The following LRMDA variants were observed in gnomAD, a reference collection of about 807,000 sequenced individuals.
LRMDA encodes the protein leucine-rich melanocyte differentiation-associated protein.
A neutral mutation model predicts 29.8 loss-of-function variants in LRMDA; 18 were observed. That is an observed-to-expected ratio of 0.60 (90% CI 0.42 to 0.90). The LOEUF (loss-of-function observed/expected upper bound fraction) is 0.90. Among genes scored for constraint, LRMDA ranks in the 40% least tolerant of loss-of-function variants. LRMDA has a pLI of 0.00. For synonymous variants in LRMDA, 125 were observed against 109.4 expected (o/e 1.14, Z -0.89); for missense variants, 273 against 273.9 (o/e 1.00, Z 0.02).
intron 2 of LRMDA, among the ~76,000 whole-genome samples, chr10:75,580,652 C>T (rs7896725): frequency 0.61 from 93,051 of 151,996 alleles, 31,480 homozygotes; most frequent in East Asian, 0.85. Context: ...GGCATCATGC[C>T]ACCTGACTTC....
chr10:76,437,065 T>C (rs1842252103), intron 6 of LRMDA, among the ~76,000 whole-genome samples: 1 of 152,144 alleles, frequency 6.6e-6, no homozygotes, highest in Non-Finnish European at 1.5e-5. Context: ...CAGTGGTCTT[T>C]TAATCATAGC....
intron 6 of LRMDA, among the ~76,000 whole-genome samples, chr10:76,545,181 G>GT (rs11291434): frequency 5.1e-4 from 72 of 140,514 alleles, no homozygotes; most frequent in East Asian, 1.9e-3. Context: ...TTTTTATTTT[G>GT]TTTTTTTTTT....
chr10:75,619,168 T>C (rs1260627877), intron 2 of LRMDA, among the ~76,000 whole-genome samples: 1 of 151,870 alleles, frequency 6.6e-6, no homozygotes, highest in South Asian at 2.1e-4. Context: ...TCACATTGAG[T>C]AGGCTGAGGA....
intron 6 of LRMDA, among the ~76,000 whole-genome samples, chr10:76,469,588 C>G (rs1458662044): frequency 1.3e-5 from 2 of 152,004 alleles, no homozygotes; most frequent in Non-Finnish European, 2.9e-5. Context: ...AGCTCTGAAG[C>G]TCTGAAGCTC....
chr10:75,891,625 G>A (rs1461381565), intron 2 of LRMDA, among the ~76,000 whole-genome samples: 1 of 152,186 alleles, frequency 6.6e-6, no homozygotes, highest in African/African-American at 2.4e-5. Context: ...GGAAGCCATT[G>A]AAAGGCTTTG....
rs777591359 is a variant in LRMDA at position 76,112,116 on chromosome 10, T to A, written c.516+53333T>A. Among the ~76,000 whole-genome samples, 20 of 152,154 alleles carry A rather than the reference T, an allele frequency of 1.3e-4. 1 individual carries two copies. The highest frequency in any genetic ancestry group is 4.3e-4 in the African/African-American group (18 of 41,452). The stretch of plus-strand genomic sequence containing the variant: ...GCCGAGGGAGTTAATGAAAGCTGCA[T>A]GAGCGAGCAAGGGAGCAGGAGGAGG... On this transcript the variant is annotated intron_variant, in intron 5 of 6. Coordinates refer to ENST00000611255, the MANE Select transcript of LRMDA (RefSeq NM_001305581.2).
At chr10:75,775,122 G>A (rs1448785119) in intron 2 of LRMDA, among the ~76,000 whole-genome samples, 1 of 152,238 alleles carries the variant, frequency 6.6e-6, no homozygotes, top group Non-Finnish European at 1.5e-5. Flanking sequence ...CCTGAGAGGG[G>A]CCTATCAAGA....
intron 2 of LRMDA, among the ~76,000 whole-genome samples, chr10:75,834,013 G>C (rs1844391507): frequency 6.6e-6 from 1 of 152,084 alleles, no homozygotes; most frequent in African/African-American, 2.4e-5. Flanking sequence ...CCACCCACTG[G>C]GTCATCCTTC....
chr10:76,193,977 T>G (rs1898088), intron 5 of LRMDA, among the ~76,000 whole-genome samples: 7,992 of 152,254 alleles, frequency 0.052, 645 homozygotes, highest in African/African-American at 0.17. Flanking sequence ...ATTTTGATGG[T>G]GGACAAATAA....
rs935192822 is a variant in LRMDA at position 75,750,249 on chromosome 10, C to T, written c.132-285759C>T. Reference sequence around the variant, plus strand: ...CCTCCCGGACAGGGCGGCTGCCGGGCGGGGGCTGCCCACCTCCCTCCCCGC... The same window carrying T: ...CCTCCCGGACAGGGCGGCTGCCGGGTGGGGGCTGCCCACCTCCCTCCCCGC... On this transcript the variant is annotated intron_variant, in intron 2 of 6. Coordinates refer to ENST00000611255, the MANE Select transcript of LRMDA (RefSeq NM_001305581.2). 5.4e-5 allele frequency among the ~76,000 whole-genome samples: 8 copies of T among 147,992 alleles called. No individual in the cohort carries two copies. In the East Asian group the frequency reaches 6.2e-4, roughly 11 times the overall value.
chr10:75,703,024 C>T (rs73282606), intron 2 of LRMDA, among the ~76,000 whole-genome samples: 5,746 of 152,246 alleles, frequency 0.038, 274 homozygotes, highest in African/African-American at 0.11. Flanking sequence ...AAAATATATA[C>T]ACCCTAGTGA....
intron 6 of LRMDA, among the ~76,000 whole-genome samples, chr10:76,411,299 C>T (rs1841958732): frequency 6.6e-6 from 1 of 152,236 alleles, no homozygotes; most frequent in Non-Finnish European, 1.5e-5. Context: ...GATGGCTCTC[C>T]ATAGTATACG....
At chr10:75,969,617 G>T (rs952931267) in intron 2 of LRMDA, among the ~76,000 whole-genome samples, 5 of 152,112 alleles carry the variant, frequency 3.3e-5, no homozygotes, top group African/African-American at 1.2e-4. Flanking sequence ...TTTCTTCTTG[G>T]TACCTTTCAT....
intron 2 of LRMDA, among the ~76,000 whole-genome samples, chr10:75,575,105 G>A (rs958682702): frequency 6.6e-6 from 1 of 152,158 alleles, no homozygotes; most frequent in African/African-American, 2.4e-5. Context: ...CATATCTCAT[G>A]AGAACTCACT....
chr10:76,050,655 G>A (rs1848515557), intron 4 of LRMDA, among the ~76,000 whole-genome samples: 1 of 152,234 alleles, frequency 6.6e-6, no homozygotes, highest in African/African-American at 2.4e-5. Context: ...GAAGAGAACA[G>A]CAGTGCAAGA....
intron 6 of LRMDA, among the ~76,000 whole-genome samples, chr10:76,361,499 C>T (rs538544654): frequency 6.4e-4 from 98 of 152,128 alleles, no homozygotes; most frequent in African/African-American, 1.7e-3. Flanking sequence ...TGTGCTGGAT[C>T]GACCCCTGGT....
intron 2 of LRMDA, among the ~76,000 whole-genome samples, chr10:75,717,774 C>A (rs905431939): frequency 6.6e-6 from 1 of 152,128 alleles, no homozygotes; most frequent in African/African-American, 2.4e-5. Context: ...GGAAATTGGG[C>A]CCCTGCTAAC....
intron 5 of LRMDA, among the ~76,000 whole-genome samples, chr10:76,168,545 C>T (rs928445830): frequency 2.6e-5 from 4 of 152,076 alleles, no homozygotes; most frequent in African/African-American, 9.7e-5. Flanking sequence ...TGATCTGAAT[C>T]ATCAATTTCA....
intron 2 of LRMDA, among the ~76,000 whole-genome samples, chr10:75,845,247 G>T (rs1396419446): frequency 6.6e-6 from 1 of 151,782 alleles, no homozygotes; most frequent in Non-Finnish European, 1.5e-5. Flanking sequence ...TTGCAGACGG[G>T]TGGCTGTTGC....
Sources: allele counts gnomAD v4.1 joint callset (sites outside exome capture counted in the v4.1 genomes callset), GRCh38; gene constraint gnomAD v4.1.1; transcripts MANE v1.5; gene names NCBI Gene and HGNC (gene_info 2026-07-23, HGNC 2026-07-21).